The following SART3 variants were observed in gnomAD, a reference collection of about 807,000 sequenced individuals.
The protein encoded by SART3 is HIV-1 Tat-interacting protein of 110kDa.
A neutral mutation model predicts 122.3 loss-of-function variants in SART3; 44 were observed. That is an observed-to-expected ratio of 0.36 (90% CI 0.28 to 0.46). The LOEUF (loss-of-function observed/expected upper bound fraction) is 0.46, where lower values mean the gene tolerates loss of function less well. SART3 is among the 20% of genes least tolerant of loss of function. The pLI is 1.00. For missense variants in SART3, 1,101 were observed against 1,229.0 expected (o/e 0.90, Z 1.56); for synonymous variants, 442 against 454.0 (o/e 0.97, Z 0.34).
intron 17 of SART3, among the ~76,000 whole-genome samples, chr12:108,525,045 G>A (rs1872309205): frequency 1.3e-5 from 2 of 152,348 alleles, no homozygotes; most frequent in Non-Finnish European, 1.5e-5. Flanking sequence ...AAGAAGGAAA[G>A]ACAGGAGAAG....
intron 12 of SART3, among the ~76,000 whole-genome samples, chr12:108,534,039 G>T (rs763228356): frequency 6.6e-6 from 1 of 152,168 alleles, no homozygotes; most frequent in East Asian, 1.9e-4. Flanking sequence ...GAATTTAGCT[G>T]TCTTCTCCTA....
intron 17 of SART3, 66 bp from the exon 18 acceptor site, chr12:108,524,572 G>A (rs1872278881): frequency 6.7e-7 from 1 of 1,482,434 alleles, no homozygotes; most frequent in Non-Finnish European, 9.4e-7. Context: ...TCCTCCTGCA[G>A]GGCAGGCACT....
At chr12:108,543,399 C>T (rs560271226) in intron 5 of SART3, among the ~76,000 whole-genome samples, 2 of 152,370 alleles carry the variant, frequency 1.3e-5, no homozygotes, top group African/African-American at 4.8e-5. Flanking sequence ...GATTTAACAA[C>T]ACTTACCCAG....
intron 13 of SART3, 190 bp from the exon 14 acceptor site, chr12:108,531,470 CT>C: frequency 1.7e-6 from 1 of 577,604 alleles, no homozygotes; most frequent in Admixed American, 2.9e-5. Flanking sequence ...TGTCCCTCTC[CT>C]TTCAGGAGAG....
intron 7 of SART3, among the ~76,000 whole-genome samples, chr12:108,538,681 A>C (rs1385376745): frequency 6.6e-6 from 1 of 152,228 alleles, no homozygotes; most frequent in African/African-American, 2.4e-5. Context: ...GCCATAATAA[A>C]AAGTTAAAAG....
chr12:108,558,193 G>A (rs2030315604), intron 1 of SART3, among the ~76,000 whole-genome samples: 1 of 152,074 alleles, frequency 6.6e-6, no homozygotes, highest in Admixed American at 6.6e-5. Context: ...ACTGAGGGAT[G>A]AGAACCAGAA....
At chr12:108,540,204 T>C (rs1318400663) in intron 6 of SART3, among the ~76,000 whole-genome samples, 1 of 152,216 alleles carries the variant, frequency 6.6e-6, no homozygotes, top group Non-Finnish European at 1.5e-5. Context: ...GCAAGATTTA[T>C]ACAAACCGCT....
At chr12:108,559,664 CAA>C (rs35159668) in intron 1 of SART3, among the ~76,000 whole-genome samples, 45,518 of 79,664 alleles carry the variant, frequency 0.57, 11,398 homozygotes, top group East Asian at 0.71. Context: ...GACTCTGTCT[CAA>C]AAAAAAAAAA....
chr12:108,526,585 T>A (rs1429211821), intron 15 of SART3, 32 bp from the exon 16 acceptor site: 1 of 1,606,784 alleles, frequency 6.2e-7, no homozygotes, highest in Non-Finnish European at 8.5e-7. Flanking sequence ...GTAGCCATGG[T>A]TAACTGTTAC....
Position 108,523,587 on chromosome 12 carries a change from T to C in SART3, c.2762A>G (p.Gln921Arg), listed in dbSNP as rs138140209. ...CTGAGGAGCTGCAGCACTTGGGCGC[T>C]GCAGGGCACGAGGCAGTAGAGACAG... ...TQLSLLPRAL[Q>R]RPSAAAPQAE... is the part of the protein sequence containing the mutation. Residue 921 changes from glutamine (Q) to arginine (R), a missense_variant, in exon 19 of 19, where the codon CAG (glutamine) becomes CGG (arginine). Gln to Arg is a conservative substitution (Grantham distance 43). Around this residue, in one of 2 missense-constraint regions of SART3, gnomAD observed 885 missense variants for 1,080.1 expected, o/e 0.82. Coordinates refer to ENST00000546815, the MANE Select transcript of SART3 (RefSeq NM_014706.4). 1.9e-6 allele frequency: 3 copies of C among 1,614,188 alleles called. No individual in the cohort carries two copies. The highest frequency in any genetic ancestry group is 2.5e-6 in the Non-Finnish European group (3 of 1,180,032).
At chr12:108,534,024 CA>C (rs1281982417) in intron 12 of SART3, among the ~76,000 whole-genome samples, 1 of 152,174 alleles carries the variant, frequency 6.6e-6, no homozygotes, top group Non-Finnish European at 1.5e-5. Flanking sequence ...CAGTAACAGA[CA>C]TGAGAATTTA....
Position 108,544,854 on chromosome 12 carries a change from C to T in SART3, c.729+285G>A, listed in dbSNP as rs114376439. On this transcript the variant is annotated intron_variant, in intron 4 of 18. Transcript: ENST00000546815. ...TGCTGGAATTACAAGCATGAGCCACCGCACTTGGCCAACTCTGGTTCTTTC... is the reference window on the plus strand; with the variant it reads ...TGCTGGAATTACAAGCATGAGCCACTGCACTTGGCCAACTCTGGTTCTTTC... 636 of 572,296 alleles carry T rather than the reference C, an allele frequency of 1.1e-3. 2 individuals are homozygous for T. Among genetic ancestry groups the T allele is most frequent in the African/African-American group, 0.01 (558 of 53,372 alleles). 35.5% of individuals were successfully genotyped at this position (572,296 alleles called of 1,614,324 possible). A position where few individuals can be genotyped will look rare whatever the true frequency, so the allele number is the denominator to read the frequency against.
In SART3 at chr12:108,525,616, G is replaced by A; in HGVS notation, c.2371-7C>T. ...AAGTGCTGTACCTGAACACCTATAG[G>A]AAGAAGGAAGACAGAGAAAAACCAT... is the stretch of plus-strand genomic sequence containing the variant. On this transcript the variant is annotated splice_polypyrimidine_tract_variant and splice_region_variant and intron_variant, in intron 16 of 18. Coordinates refer to ENST00000546815, the MANE Select transcript of SART3 (RefSeq NM_014706.4). 2 of 1,613,788 alleles carry A rather than the reference G, an allele frequency of 1.2e-6. No homozygotes were observed. Among genetic ancestry groups the A allele is most frequent in the East Asian group, 2.2e-5 (1 of 44,880 alleles).
At chr12:108,536,876 A>C in intron 9 of SART3, 91 bp from the exon 10 acceptor site, 1 of 1,121,982 alleles carries the variant, frequency 8.9e-7, no homozygotes. Flanking sequence ...CTGGAGACCC[A>C]CTATGTACCT....
intron 18 of SART3, 117 bp from the exon 19 acceptor site, chr12:108,523,751 A>AG (rs1872239868): frequency 1.0e-6 from 1 of 963,270 alleles, no homozygotes; most frequent in Non-Finnish European, 1.6e-6. Flanking sequence ...GTGAAAAAAA[A>AG]AAAGGATAAG....
intron 2 of SART3, 112 bp downstream of exon 2, chr12:108,548,976 C>G (rs2029885117): frequency 6.5e-7 from 1 of 1,530,692 alleles, no homozygotes; most frequent in Non-Finnish European, 9.0e-7. Context: ...CTTCTTTCCA[C>G]TACACTGAAC....
In SART3 at chr12:108,523,613, C is replaced by A; in HGVS notation, c.2736G>T (p.Gln912His). Residue 912 changes from glutamine (Q) to histidine (H), a missense_variant, in exon 19 of 19, where the codon CAG (glutamine) becomes CAT (histidine). Around this residue, in one of 2 missense-constraint regions of SART3, gnomAD observed 885 missense variants for 1,080.1 expected, o/e 0.82. Transcript: ENST00000546815. ...GCAGGGCACGAGGCAGTAGAGACAG[C>A]TGCGTCCTTCCCTTCCCCCTCCTAA... ...TYGARGKGRT[Q>H]LSLLPRALQR... The A allele has an allele frequency of 6.2e-7, 1 of 1,614,162 alleles. No individual in the cohort carries two copies. The highest frequency in any genetic ancestry group is 8.5e-7 in the Non-Finnish European group (1 of 1,180,020).
chr12:108,539,210 C>T, intron 6 of SART3, 121 bp from the exon 7 acceptor site: 1 of 943,772 alleles, frequency 1.1e-6, no homozygotes. Flanking sequence ...TCCTCACTCT[C>T]AGAACCACTC....
Position 108,560,899 on chromosome 12 carries a change from C to G in SART3, c.256G>C (p.Glu86Gln). The stretch of plus-strand genomic sequence containing the variant: ...TTTTTCTCCTCCTCTTCGTCATATT[C>G]CCACTCGTACTCCCCGGGGGAGCTC... ...AESSPGEYEW[E>Q]YDEEEEKNQL... The change falls in exon 1 of 19, where the codon GAA (glutamate) becomes CAA (glutamine). Residue 86 changes from glutamate (E) to glutamine (Q), a missense_variant. Transcript: ENST00000546815. 6.2e-7 allele frequency: 1 copy of G among 1,612,352 alleles called. No individual in the cohort carries two copies. The highest frequency in any genetic ancestry group is 8.5e-7 in the Non-Finnish European group (1 of 1,178,610).
Sources: gnomAD v4.1 joint callset for allele counts (sites outside exome capture counted in the v4.1 genomes callset) on GRCh38, gnomAD v4.1.1 for gene constraint, gnomAD v4.1.1 regional missense constraint, MANE v1.5 for transcripts, NCBI Gene and HGNC (gene_info 2026-07-23, HGNC 2026-07-21) for gene names.